Variants in UBXN7 observed in about 807,000 individuals in gnomAD.
UBXN7 encodes UBX domain-containing protein 7.
A neutral mutation model predicts 58.0 loss-of-function variants in UBXN7; 9 were observed. The ratio of observed to expected loss-of-function variants is 0.16; its 90% CI spans 0.09 to 0.27. The LOEUF (loss-of-function observed/expected upper bound fraction) is 0.27, where lower values mean the gene tolerates loss of function less well. UBXN7 is among the 10% of genes least tolerant of loss of function. The pLI is 1.00. For synonymous variants in UBXN7, 208 were observed against 205.0 expected, an observed-to-expected ratio of 1.01 and a Z score of -0.12; for missense variants, 328 against 599.6, an observed-to-expected ratio of 0.55 and a Z score of 4.73.
chr3:196,399,632 G>A lies in UBXN7; in HGVS notation c.289+3320C>T, dbSNP rs1038881278. ...ATTTTTATTTTTTGTAGAGATAAGA[G>A]TCTTCCTATGTTGTCTGGGCTACTC... On this transcript the variant is annotated intron_variant, in intron 3 of 10. Coordinates refer to ENST00000296328, the MANE Select transcript of UBXN7 (RefSeq NM_015562.2). Among the ~76,000 whole-genome samples the A allele has an allele frequency of 2.6e-5, 4 of 152,124 alleles. No individual in the cohort carries two copies. In the East Asian group the frequency reaches 7.7e-4, roughly 29 times the overall value.
chr3:196,415,069 C>T (rs781729640), intron 1 of UBXN7, among the ~76,000 whole-genome samples: 22 of 152,006 alleles, frequency 1.4e-4, no homozygotes, highest in Admixed American at 1.1e-3. Flanking sequence ...CATATTCTTA[C>T]TCATAAAACC....
At chr3:196,394,586 A>G (rs900364866) in intron 3 of UBXN7, among the ~76,000 whole-genome samples, 3 of 151,922 alleles carry the variant, frequency 2.0e-5, no homozygotes, top group Non-Finnish European at 4.4e-5. Context: ...CTGGGCAAGA[A>G]GAGTGAAACT....
chr3:196,392,963 T>A (rs1031947044), intron 4 of UBXN7, among the ~76,000 whole-genome samples: 22 of 152,226 alleles, frequency 1.4e-4, no homozygotes, highest in Admixed American at 3.9e-4. Flanking sequence ...TGTGCCTCAA[T>A]GAACTCATTC....
chr3:196,368,449 T>C (rs1728729176), intron 7 of UBXN7, among the ~76,000 whole-genome samples: 1 of 152,222 alleles, frequency 6.6e-6, no homozygotes, highest in Non-Finnish European at 1.5e-5. Flanking sequence ...AGCATATGCA[T>C]ACATTAAAAA....
At chr3:196,409,942 T>A (rs1730270444) in intron 1 of UBXN7, among the ~76,000 whole-genome samples, 1 of 59,226 alleles carries the variant, frequency 1.7e-5, no homozygotes, top group African/African-American at 5.5e-5. Flanking sequence ...AAAAGAAACT[T>A]TTTTTTTTTT....
chr3:196,391,901 T>G lies in UBXN7; in HGVS notation c.380A>C (p.Asn127Thr). The G allele has an allele frequency of 6.2e-7, 1 of 1,611,906 alleles. No individual in the cohort carries two copies. The highest frequency in any genetic ancestry group is 8.5e-7 in the Non-Finnish European group (1 of 1,179,316). The change falls in exon 5 of 11, where the codon AAT becomes ACT. Residue 127 changes from asparagine to threonine, a missense_variant. Transcript: ENST00000296328. Reference sequence around the variant, plus strand: ...TAATTTCTTATCGATAGCTCCTCCATTTCTTAATTCTTGTTCTTGCCGAAC... The same window carrying G: ...TAATTTCTTATCGATAGCTCCTCCAGTTCTTAATTCTTGTTCTTGCCGAAC... ...ETIRQEQELR[N>T]GGAIDKKLTT...
At position 196,351,250 on chromosome 3, in the gene UBXN7, C is replaced by T. The variant is rs758668044; in HGVS notation, c.*5435G>A. On this transcript the variant is annotated 3_prime_UTR_variant, in exon 11 of 11. Coordinates refer to ENST00000296328, the MANE Select transcript of UBXN7 (RefSeq NM_015562.2). ...ACAGGCCAGTAAAGTACTTTAAGTA[C>T]ACAAGTAAAAATAAAATTTAGTGCC... The T allele has an allele frequency of 5.3e-5, 8 of 152,156 alleles. No individual in the cohort carries two copies. The highest frequency in any genetic ancestry group is 1.0e-4 in the Non-Finnish European group (7 of 68,030). The allele number at this position is 152,156 out of a possible 1,614,324, so 9.4% of individuals were successfully genotyped here. A position where few individuals can be genotyped will look rare whatever the true frequency, so the allele number is the denominator to read the frequency against.
At chr3:196,412,837 A>G (rs544740287) in intron 1 of UBXN7, among the ~76,000 whole-genome samples, 1 of 152,324 alleles carries the variant, frequency 6.6e-6, no homozygotes, top group Non-Finnish European at 1.5e-5. Context: ...ATATGATTCT[A>G]CTTATGTGAG....
rs574082882 is a variant in UBXN7, at chr3:196,367,968, A to T, written c.834+60T>A. ...ACCATCTTAACATCGAACATTTTAT[A>T]TAAGATGCTTATGACCAATTACATT... On this transcript the variant is annotated intron_variant, in intron 8 of 10. Coordinates refer to ENST00000296328, the MANE Select transcript of UBXN7 (RefSeq NM_015562.2). 2.3e-4 allele frequency: 366 copies of T among 1,576,120 alleles called. 11 individuals carry two copies. The South Asian group carries it at 4.2e-3, about 18-fold the overall frequency.
At chr3:196,415,793 A>G (rs1236661380) in intron 1 of UBXN7, among the ~76,000 whole-genome samples, 1 of 151,596 alleles carries the variant, frequency 6.6e-6, no homozygotes, top group Non-Finnish European at 1.5e-5. Context: ...AAAAAAAAAA[A>G]GTTCAGTGAC....
intron 5 of UBXN7, among the ~76,000 whole-genome samples, chr3:196,378,895 G>A (rs1453814411): frequency 9.0e-6 from 1 of 111,168 alleles, no homozygotes; most frequent in Non-Finnish European, 1.8e-5. Flanking sequence ...GTTTTGGGGG[G>A]TTTTAGCCAG....
chr3:196,361,746 A>T, intron 10 of UBXN7, 98 bp downstream of exon 10: 1 of 991,782 alleles, frequency 1.0e-6, no homozygotes, highest in Non-Finnish European at 1.6e-6. Flanking sequence ...ACTATGGAAT[A>T]ATGTAAACAT....
At chr3:196,398,913 G>A (rs577500083) in intron 3 of UBXN7, among the ~76,000 whole-genome samples, 1 of 151,374 alleles carries the variant, frequency 6.6e-6, no homozygotes, top group Non-Finnish European at 1.5e-5. Flanking sequence ...ATCCCAAAGT[G>A]TTCGGATTAC....
Position 196,351,417 on chromosome 3 carries a change from T to G in UBXN7, c.*5268A>C, listed in dbSNP as rs1728209421. ...CCTATAACTACTATACTCTCCTCTT[T>G]GGAGATTTCAGTCATCGCAGTAAGA... On this transcript the variant is annotated 3_prime_UTR_variant, in exon 11 of 11. Coordinates refer to ENST00000296328, the MANE Select transcript of UBXN7 (RefSeq NM_015562.2). 1 of 152,132 alleles carries G rather than the reference T, an allele frequency of 6.6e-6. No homozygotes were observed. The allele number at this position is 152,132 out of a possible 1,614,324, so 9.4% of individuals were successfully genotyped here. A position where few individuals can be genotyped will look rare whatever the true frequency, so the allele number is the denominator to read the frequency against.
At chr3:196,395,002 C>A (rs1010179307) in intron 3 of UBXN7, among the ~76,000 whole-genome samples, 1 of 152,154 alleles carries the variant, frequency 6.6e-6, no homozygotes, top group South Asian at 2.1e-4. Flanking sequence ...CTTCCTATAT[C>A]TATGTGTTCT....
intron 5 of UBXN7, among the ~76,000 whole-genome samples, chr3:196,386,380 T>TAAAAAAAACA (rs1729397919): frequency 1.7e-5 from 1 of 57,728 alleles, no homozygotes; most frequent in African/African-American, 7.0e-5. Context: ...TAATAAACAC[T>TAAAAAAAACA]AAAAAAAAAA....
At chr3:196,431,232 C>G (rs1050378979) in intron 1 of UBXN7, among the ~76,000 whole-genome samples, 1 of 152,192 alleles carries the variant, frequency 6.6e-6, no homozygotes, top group African/African-American at 2.4e-5. Flanking sequence ...TGAGAGGGAA[C>G]TAACATTCTG....
At chr3:196,425,147 C>T (rs1034045740) in intron 1 of UBXN7, among the ~76,000 whole-genome samples, 1 of 152,176 alleles carries the variant, frequency 6.6e-6, no homozygotes, top group Non-Finnish European at 1.5e-5. Flanking sequence ...ACCATCTTCT[C>T]CCCACACCTT....
Position 196,362,343 on chromosome 3 carries a change from C to A in UBXN7, c.1179G>T (p.Glu393Asp). The change falls in exon 9 of 11, where the codon GAG (glutamate) becomes GAT (aspartate). Residue 393 changes from glutamate to aspartate, a missense_variant. Physicochemically the swap from Glu to Asp is conservative, Grantham distance 45. Coordinates refer to ENST00000296328, the MANE Select transcript of UBXN7 (RefSeq NM_015562.2). The part of the protein sequence containing the change: ...GLPAVDSEIL[E>D]MPPEKADGVV... ...CTCCATCTGCTTTTTCAGGTGGCATCTCCAGTATCTCTGAATCCACAGCTG... is the reference window on the plus strand; with the variant it reads ...CTCCATCTGCTTTTTCAGGTGGCATATCCAGTATCTCTGAATCCACAGCTG... 6.2e-7 allele frequency: 1 copy of A among 1,613,500 alleles called. No individual in the cohort carries two copies. Among genetic ancestry groups the A allele is most frequent in the Non-Finnish European group, 8.5e-7 (1 of 1,179,738 alleles).
Sources: gnomAD v4.1 joint callset for allele counts (sites outside exome capture counted in the v4.1 genomes callset) on GRCh38, gnomAD v4.1.1 for gene constraint, MANE v1.5 for transcripts, NCBI Gene and HGNC (gene_info 2026-07-23, HGNC 2026-07-21) for gene names.